The following FOXP1 variants were observed in gnomAD, a reference collection of about 807,000 sequenced individuals.
The protein encoded by FOXP1 is forkhead box P1.
Under a neutral mutation model 98.2 loss-of-function variants are expected in FOXP1, and 15 were observed. That is an observed-to-expected ratio of 0.15 (90% CI 0.10 to 0.24). FOXP1 has a LOEUF of 0.24. FOXP1 is among the 10% of genes least tolerant of loss of function. The pLI is 1.00. For synonymous variants in FOXP1, 371 were observed against 314.5 expected, an observed-to-expected ratio of 1.18 and a Z score of -1.90; for missense variants, 633 against 848.5, an observed-to-expected ratio of 0.75 and a Z score of 3.15.
chr3:71,481,069 T>TA (rs1269586122), intron 3 of FOXP1, among the ~76,000 whole-genome samples: 1 of 152,154 alleles, frequency 6.6e-6, no homozygotes, highest in Non-Finnish European at 1.5e-5. Flanking sequence ...TACACATACA[T>TA]ATATATACAA....
intron 5 of FOXP1, among the ~76,000 whole-genome samples, chr3:71,265,978 C>T (rs2037477): frequency 0.15 from 22,155 of 152,108 alleles, 2,213 homozygotes; most frequent in East Asian, 0.45. Flanking sequence ...GACTTGGTGT[C>T]GTCTTGACCA....
rs529887221 is a variant in FOXP1, at chr3:71,293,492, AAGAT to A, written c.-12+6324_-12+6327del. Among the ~76,000 whole-genome samples, 7 of 152,178 alleles carry A rather than the reference AAGAT, an allele frequency of 4.6e-5. No individual in the cohort carries two copies. The South Asian group carries it at 1.2e-3, about 27-fold the overall frequency. ...GACCCCATTTCTTAAAAAAAAAAAA[AAGAT>A]AGATAAAACCATTTGCTATTTGGTT... On this transcript the variant is annotated intron_variant, in intron 5 of 20. Transcript: ENST00000649528.
chr3:71,364,223 C>T (rs1291356753), intron 3 of FOXP1, among the ~76,000 whole-genome samples: 3 of 152,182 alleles, frequency 2.0e-5, no homozygotes, highest in African/African-American at 7.2e-5. Flanking sequence ...ACTTGGGTCT[C>T]CAGGTAACCA....
rs114241792 is a variant in FOXP1 at position 71,430,195 on chromosome 3, G to T, written c.-168+63231C>A. Among the ~76,000 whole-genome samples, 1,374 of 152,156 alleles carry T rather than the reference G, an allele frequency of 9.0e-3. 19 individuals are homozygous for T. Among genetic ancestry groups the T allele is most frequent in the African/African-American group, 0.031 (1,291 of 41,468 alleles). ...CCCAAAATAGCCAGCCCATACCACG[G>T]AAAGCCTGACTCGAGGACTTTGCAG... On this transcript the variant is annotated intron_variant, in intron 3 of 20. Transcript: ENST00000649528.
Position 71,315,453 on chromosome 3 carries a change from C to A in FOXP1, c.-72-15573G>T, listed in dbSNP as rs532319358. On this transcript the variant is annotated intron_variant, in intron 4 of 20. Coordinates refer to ENST00000649528, the MANE Select transcript of FOXP1 (RefSeq NM_001349338.3). Reference sequence around the variant, plus strand: ...AGAACAGATTTGGGATAAACTGTGACAATCTCTTCATCAAAATTCAGACTT... The same window carrying A: ...AGAACAGATTTGGGATAAACTGTGAAAATCTCTTCATCAAAATTCAGACTT... Among the ~76,000 whole-genome samples, 3 of 152,308 alleles carry A rather than the reference C, an allele frequency of 2.0e-5. No homozygotes were observed. In the South Asian group the frequency reaches 6.2e-4, roughly 32 times the overall value.
chr3:70,970,695 CTG>C, intron 19 of FOXP1, 39 bp downstream of exon 19: 1 of 1,447,234 alleles, frequency 6.9e-7, no homozygotes, highest in Non-Finnish European at 9.7e-7. Context: ...TAGGGGAGAC[CTG>C]TGCCTCTGCT....
rs370525938 is a variant in FOXP1 at position 70,959,226 on chromosome 3, G to C, written c.*21C>G. On this transcript the variant is annotated 3_prime_UTR_variant, in exon 21 of 21. Coordinates refer to ENST00000649528, the MANE Select transcript of FOXP1 (RefSeq NM_001349338.3). ...TTTCCTTTTTCCAATCTTCATTCTC[G>C]GGGTTGGCCCGCCCCGATAGTCACT... 3.7e-6 allele frequency: 6 copies of C among 1,608,836 alleles called. No homozygotes were observed. Among genetic ancestry groups the C allele is most frequent in the Non-Finnish European group, 4.2e-6 (5 of 1,178,118 alleles).
At chr3:71,340,065 G>A (rs1248991200) in intron 4 of FOXP1, among the ~76,000 whole-genome samples, 1 of 152,208 alleles carries the variant, frequency 6.6e-6, no homozygotes, top group Non-Finnish European at 1.5e-5. Flanking sequence ...ATCTTTAAGT[G>A]AGGAAGTATC....
At chr3:71,532,160 C>T (rs537043535) in intron 2 of FOXP1, among the ~76,000 whole-genome samples, 2 of 152,240 alleles carry the variant, frequency 1.3e-5, no homozygotes, top group South Asian at 2.1e-4. Flanking sequence ...TGTGCAGTGG[C>T]GTGATCTTGG....
At chr3:71,184,861 C>G (rs2062551954) in intron 6 of FOXP1, among the ~76,000 whole-genome samples, 1 of 151,518 alleles carries the variant, frequency 6.6e-6, no homozygotes, top group Admixed American at 6.6e-5. Flanking sequence ...TCATCAAATT[C>G]ACAAAGGAGG....
At chr3:71,014,996 T>TG (rs2044235062) in intron 12 of FOXP1, among the ~76,000 whole-genome samples, 2 of 101,784 alleles carry the variant, frequency 2.0e-5, no homozygotes, top group African/African-American at 7.7e-5. Context: ...TGTCGTGGGG[T>TG]GGGGGGAGAG....
chr3:71,569,371 C>T (rs1035356839), intron 2 of FOXP1, among the ~76,000 whole-genome samples: 1 of 152,176 alleles, frequency 6.6e-6, no homozygotes, highest in African/African-American at 2.4e-5. Context: ...AGGCCCATTA[C>T]GGCCTTATTC....
intron 3 of FOXP1, among the ~76,000 whole-genome samples, chr3:71,461,529 G>A (rs1245585505): frequency 6.6e-6 from 1 of 152,158 alleles, no homozygotes; most frequent in East Asian, 1.9e-4. Context: ...GAGGCCGGGC[G>A]TGGTGGCTCG....
At chr3:71,351,798 T>C (rs538079787) in intron 4 of FOXP1, among the ~76,000 whole-genome samples, 1 of 152,262 alleles carries the variant, frequency 6.6e-6, no homozygotes, top group Admixed American at 6.5e-5. Context: ...CAGAGGCTAA[T>C]ATGAAGTAAA....
intron 20 of FOXP1, among the ~76,000 whole-genome samples, chr3:70,961,078 C>T (rs949849784): frequency 6.6e-6 from 1 of 151,884 alleles, no homozygotes; most frequent in South Asian, 2.1e-4. Flanking sequence ...GTGATCCGCC[C>T]GCCTTGGCCT....
At chr3:71,344,344 A>G (rs1217455251) in intron 4 of FOXP1, among the ~76,000 whole-genome samples, 1 of 152,210 alleles carries the variant, frequency 6.6e-6, no homozygotes, top group African/African-American at 2.4e-5. Context: ...GTCGTTTTGC[A>G]AATTAGCTGC....
intron 3 of FOXP1, among the ~76,000 whole-genome samples, chr3:71,442,840 G>C (rs1474789439): frequency 6.6e-6 from 1 of 152,266 alleles, no homozygotes; most frequent in East Asian, 1.9e-4. Flanking sequence ...CTGAATCTCT[G>C]AGGGTGGGGC....
At chr3:71,310,291 A>T (rs975878174) in intron 4 of FOXP1, among the ~76,000 whole-genome samples, 1 of 152,246 alleles carries the variant, frequency 6.6e-6, no homozygotes, top group African/African-American at 2.4e-5. Flanking sequence ...TATAACAGAC[A>T]TTTGAAAGTT....
At chr3:71,420,294 GGA>G (rs2083535432) in intron 3 of FOXP1, among the ~76,000 whole-genome samples, 2 of 152,124 alleles carry the variant, frequency 1.3e-5, no homozygotes, top group African/African-American at 4.8e-5. Flanking sequence ...ATGAGGGTGT[GGA>G]GTTTGACAAG....
Sources: allele counts gnomAD v4.1 joint callset (sites outside exome capture counted in the v4.1 genomes callset), GRCh38; gene constraint gnomAD v4.1.1; transcripts MANE v1.5; gene names NCBI Gene and HGNC (gene_info 2026-07-23, HGNC 2026-07-21).